PRKN: variants seen among roughly 807,000 people sequenced by gnomAD.
The protein encoded by PRKN is parkin RBR E3 ubiquitin protein ligase.
PRKN carries 56 observed loss-of-function variants against 59.5 expected under a neutral mutation model. That is an observed-to-expected ratio of 0.94 (90% CI 0.76 to 1.18). The LOEUF (loss-of-function observed/expected upper bound fraction) is 1.18, where lower values mean the gene tolerates loss of function less well. Among genes scored for constraint, PRKN ranks in the 50% most tolerant of loss-of-function variants. PRKN has a pLI of 0.00. For synonymous variants in PRKN, 250 were observed against 222.1 expected (o/e 1.13, Z -1.12); for missense variants, 657 against 596.4 (o/e 1.10, Z -1.06).
At chr6:162,391,616 C>G (rs1286183344) in intron 2 of PRKN, among the ~76,000 whole-genome samples, 1 of 151,750 alleles carries the variant, frequency 6.6e-6, no homozygotes, top group Non-Finnish European at 1.5e-5. Context: ...TGACTTCATC[C>G]TGGAAGATAA....
intron 7 of PRKN, among the ~76,000 whole-genome samples, chr6:161,710,648 G>C (rs1347572793): frequency 6.6e-6 from 1 of 152,100 alleles, no homozygotes; most frequent in Non-Finnish European, 1.5e-5. Flanking sequence ...CACTTCTAGA[G>C]AACTGTTCTA....
At position 161,963,157 on chromosome 6, in the gene PRKN, AAAAC is replaced by A. The variant is rs113748000; in HGVS notation, c.734+10141_734+10144del. The stretch of plus-strand genomic sequence containing the variant: ...AAATTCCAAACTCTGTCTCAAAACA[AAAAC>A]AAACAAACAAACAAACAAAAAACAC... On this transcript the variant is annotated intron_variant, in intron 6 of 11. Transcript: ENST00000366898. Among the ~76,000 whole-genome samples, 377 of 151,908 alleles carry A rather than the reference AAAAC, an allele frequency of 2.5e-3. 1 individual carries two copies. Among genetic ancestry groups the A allele is most frequent in the Non-Finnish European group, 3.6e-3 (245 of 68,018 alleles).
chr6:162,219,131 C>T (rs540155507), intron 3 of PRKN, among the ~76,000 whole-genome samples: 13 of 152,240 alleles, frequency 8.5e-5, no homozygotes, highest in East Asian at 3.9e-4. Flanking sequence ...GTCAAGGCTA[C>T]GGTGAGCCAT....
At chr6:162,352,938 A>AGTCCTGAATGCAGCGTG in intron 2 of PRKN, among the ~76,000 whole-genome samples, 1 of 152,340 alleles carries the variant, frequency 6.6e-6, no homozygotes, top group Non-Finnish European at 1.5e-5. Flanking sequence ...CAGCGTGCTT[A>AGTCCTGAATGCAGCGTG]CTTTAAAACA....
intron 10 of PRKN, among the ~76,000 whole-genome samples, chr6:161,383,163 G>A (rs531134053): frequency 3.9e-5 from 6 of 152,174 alleles, no homozygotes; most frequent in Non-Finnish European, 7.4e-5. Flanking sequence ...AACTGCAGAG[G>A]TCATCCTCCT....
intron 2 of PRKN, among the ~76,000 whole-genome samples, chr6:162,351,343 C>T (rs2023076): frequency 0.21 from 32,550 of 152,158 alleles, 3,700 homozygotes; most frequent in Middle Eastern, 0.27. Flanking sequence ...CCCAGCATTA[C>T]TTTCTATTAG....
At position 161,575,527 on chromosome 6, in the gene PRKN, T is replaced by A. The variant is rs1781096183; in HGVS notation, c.872-6111A>T. On this transcript the variant is annotated intron_variant, in intron 7 of 11. Transcript: ENST00000366898. This position sits in a 1 kb window ranked among gnomAD's most constrained non-coding sequence, Gnocchi z 4.6. ...AGGGAAAACTCATTTGGAAAATATA[T>A]TCCATTGAGAAGCATTAAAAACCAC... is the stretch of plus-strand genomic sequence containing the variant. 1.3e-5 allele frequency among the ~76,000 whole-genome samples: 2 copies of A among 152,236 alleles called. No homozygotes were observed.
chr6:161,974,033 G>T (rs1053213149), intron 5 of PRKN, among the ~76,000 whole-genome samples: 25 of 152,236 alleles, frequency 1.6e-4, no homozygotes, highest in African/African-American at 5.8e-4. Flanking sequence ...TTGGGAGGTT[G>T]AGGCGGGCGG....
At chr6:162,695,764 T>C (rs1046076867) in intron 1 of PRKN, among the ~76,000 whole-genome samples, 7 of 152,134 alleles carry the variant, frequency 4.6e-5, no homozygotes, top group African/African-American at 1.7e-4. Context: ...TGGGCCTTGG[T>C]TGGAAAATGT....
chr6:162,107,900 G>C (rs1780261041), intron 4 of PRKN, among the ~76,000 whole-genome samples: 1 of 152,066 alleles, frequency 6.6e-6, no homozygotes, highest in South Asian at 2.1e-4. Context: ...AAACCCCATA[G>C]AATCTAAGTT....
intron 6 of PRKN, among the ~76,000 whole-genome samples, chr6:161,830,847 G>A (rs1015750560): frequency 2.0e-5 from 3 of 151,938 alleles, no homozygotes; most frequent in East Asian, 3.9e-4. Flanking sequence ...TGCTTTGTCC[G>A]CAACCTCCTT....
chr6:162,087,589 CTT>C (rs35184111), intron 4 of PRKN, among the ~76,000 whole-genome samples: 1 of 102,698 alleles, frequency 9.7e-6, no homozygotes, highest in Non-Finnish European at 1.8e-5. Flanking sequence ...AGAATAATTT[CTT>C]TTTTTTTTTT....
chr6:161,490,386 C>CTTTTTT (rs34217261), intron 9 of PRKN, among the ~76,000 whole-genome samples: 12 of 112,308 alleles, frequency 1.1e-4, no homozygotes, highest in South Asian at 2.9e-4. Context: ...TCTTTCTTTC[C>CTTTTTT]TTTTTTTTTT....
intron 7 of PRKN, among the ~76,000 whole-genome samples, chr6:161,641,682 T>A (rs116351093): frequency 0.039 from 5,940 of 152,306 alleles, 205 homozygotes; most frequent in South Asian, 0.083. Context: ...GGAGAACCCA[T>A]TGGGCAGTAT....
At chr6:162,715,266 A>G (rs1778679814) in intron 1 of PRKN, among the ~76,000 whole-genome samples, 1 of 152,210 alleles carries the variant, frequency 6.6e-6, no homozygotes, top group African/African-American at 2.4e-5. Flanking sequence ...GGAGGCAAGG[A>G]CAAAGGTCTT....
chr6:161,888,745 T>A (rs1433444943), intron 6 of PRKN, among the ~76,000 whole-genome samples: 1 of 152,118 alleles, frequency 6.6e-6, no homozygotes, highest in Non-Finnish European at 1.5e-5. Flanking sequence ...TAACCCCACT[T>A]GAATAATTTT....
At chr6:162,091,487 G>A (rs958802926) in intron 4 of PRKN, among the ~76,000 whole-genome samples, 1 of 152,110 alleles carries the variant, frequency 6.6e-6, no homozygotes, top group African/African-American at 2.4e-5. Context: ...GATATGTCTA[G>A]GATTGCGATC....
At chr6:162,425,195 T>C (rs999959121) in intron 2 of PRKN, among the ~76,000 whole-genome samples, 5 of 152,136 alleles carry the variant, frequency 3.3e-5, no homozygotes, top group Non-Finnish European at 7.4e-5. Flanking sequence ...ATACTATTTA[T>C]ATAGTCCATT....
chr6:162,379,872 C>G (rs1438647379), intron 2 of PRKN, among the ~76,000 whole-genome samples: 6 of 152,262 alleles, frequency 3.9e-5, no homozygotes, highest in Non-Finnish European at 2.9e-5. Context: ...TCAGAGAAGA[C>G]TTCTGAGGTA....
Sources: gnomAD v4.1 joint callset for allele counts (sites outside exome capture counted in the v4.1 genomes callset) on GRCh38, gnomAD v4.1.1 for gene constraint, Gnocchi (gnomAD v3.1) non-coding constraint, MANE v1.5 for transcripts, NCBI Gene and HGNC (gene_info 2026-07-23, HGNC 2026-07-21) for gene names.